ZBTB39: variants seen among roughly 807,000 people sequenced by gnomAD.
The protein encoded by ZBTB39 is zinc finger and BTB domain-containing protein 39.
In ZBTB39, 25 loss-of-function variants were observed where a neutral mutation model predicts 39.4. That is an observed-to-expected ratio of 0.63 (90% CI 0.46 to 0.89). The LOEUF is 0.89. ZBTB39 is among the 40% of genes least tolerant of loss of function. ZBTB39 has a pLI of 0.00. For synonymous variants in ZBTB39, 373 were observed against 359.6 expected, an observed-to-expected ratio of 1.04 and a Z score of -0.42; for missense variants, 891 against 909.7, an observed-to-expected ratio of 0.98 and a Z score of 0.26.
Position 57,003,507 on chromosome 12 carries a change from T to G in ZBTB39, c.1411A>C (p.Ile471Leu). The G allele has an allele frequency of 6.2e-7, 1 of 1,614,026 alleles. No homozygotes were observed. Among genetic ancestry groups the G allele is most frequent in the Non-Finnish European group, 8.5e-7 (1 of 1,179,854 alleles). Residue 471 changes from isoleucine to leucine, a missense_variant, in exon 2 of 2, where the codon ATC becomes CTC. By Grantham distance (5) the Ile-to-Leu change is conservative (BLOSUM62 2). Coordinates refer to ENST00000300101, the MANE Select transcript of ZBTB39 (RefSeq NM_014830.3). This position sits in a 1 kb window ranked among gnomAD's most constrained non-coding sequence, Gnocchi z 4.8. ...CCCTTCAAGTTTAGATGGTCAAGGATGTGGCCCCGGACCACATGGAAATCT... is the reference window on the plus strand; with the variant it reads ...CCCTTCAAGTTTAGATGGTCAAGGAGGTGGCCCCGGACCACATGGAAATCT... ...AKDFHVVRGH[I>L]LDHLNLKGQA...
In ZBTB39 at chr12:57,004,379, C is replaced by T. The variant is rs1465813773; in HGVS notation, c.539G>A (p.Gly180Glu). The change falls in exon 2 of 2, where the codon GGG becomes GAG. Residue 180 changes from glycine (G) to glutamate (E), a missense_variant. Physicochemically the swap from Gly to Glu is moderately conservative, Grantham distance 98. Coordinates refer to ENST00000300101, the MANE Select transcript of ZBTB39 (RefSeq NM_014830.3). ...RNYVLPSDAG[G>E]SYKEEEKNVA... is the part of the protein sequence containing the mutation. ...ATTCTTCTCTTCCTCTTTATAGCTCCCTCCAGCATCACTGGGCAACACATA... is the reference window on the plus strand; with the variant it reads ...ATTCTTCTCTTCCTCTTTATAGCTCTCTCCAGCATCACTGGGCAACACATA... The T allele has an allele frequency of 1.2e-6, 2 of 1,614,162 alleles. No individual in the cohort carries two copies. The highest frequency in any genetic ancestry group is 1.7e-6 in the Non-Finnish European group (2 of 1,180,028).
In ZBTB39 at chr12:57,004,435, A is replaced by T. The variant is rs1282913857; in HGVS notation, c.483T>A (p.Gly161=). 1 of 1,613,968 alleles carries T rather than the reference A, an allele frequency of 6.2e-7. No individual in the cohort carries two copies. Among genetic ancestry groups the T allele is most frequent in the Non-Finnish European group, 8.5e-7 (1 of 1,179,978 alleles). The change falls in exon 2 of 2, where the codon GGT becomes GGA. Residue 161 remains glycine, a synonymous_variant. Coordinates refer to ENST00000300101, the MANE Select transcript of ZBTB39 (RefSeq NM_014830.3). ...EPAHPLGELR[G]GGDYLGADRN... ...TATCAGCACCAAGGTAGTCCCCACC[A>T]CCTCGGAGTTCTCCAAGGGGATGGG... is the stretch of plus-strand genomic sequence containing the variant.
rs947350856 is a variant in ZBTB39 at position 57,001,420 on chromosome 12, G to C, written c.*1359C>G. The C allele has an allele frequency of 1.3e-5, 2 of 152,674 alleles. No individual in the cohort carries two copies. The highest frequency in any genetic ancestry group is 6.5e-5 in the Admixed American group (1 of 15,282). 9.5% of individuals were successfully genotyped at this position (152,674 alleles called of 1,614,324 possible). A position where few individuals can be genotyped will look rare whatever the true frequency, so the allele number is the denominator to read the frequency against. On this transcript the variant is annotated 3_prime_UTR_variant, in exon 2 of 2. Coordinates refer to ENST00000300101, the MANE Select transcript of ZBTB39 (RefSeq NM_014830.3). ...CCCAGAGCTCACCTGAGCAGGGTGA[G>C]GTAGTATGAGCTACTGAGGTGGCAC...
chr12:57,005,673 C>A (rs767889106), intron 1 of ZBTB39, among the ~76,000 whole-genome samples: 2 of 152,182 alleles, frequency 1.3e-5, no homozygotes, highest in Non-Finnish European at 2.9e-5. Context: ...ATGTTGTATT[C>A]TTTTTCGCCA....
chr12:57,004,439 C>A lies in ZBTB39; in HGVS notation c.479G>T (p.Arg160Leu), dbSNP rs145128725. 2.1e-4 allele frequency: 332 copies of A among 1,614,094 alleles called. 1 individual carries two copies. The highest frequency in any genetic ancestry group is 6.5e-4 in the Admixed American group (39 of 60,012). ...AEPAHPLGEL[R>L]GGGDYLGADR... ...AGCACCAAGGTAGTCCCCACCACCT[C>A]GGAGTTCTCCAAGGGGATGGGCAGG... The change falls in exon 2 of 2, where the codon CGA becomes CTA. Residue 160 changes from arginine (R) to leucine (L), a missense_variant. Physicochemically the swap from Arg to Leu is moderately radical, Grantham distance 102. Transcript: ENST00000300101.
Position 57,004,601 on chromosome 12 carries a change from G to C in ZBTB39, c.317C>G (p.Ala106Gly), listed in dbSNP as rs1956234231. The part of the protein sequence containing the change: ...LINVGVIYEV[A>G]ERLGMEDLLQ... ...GAGGTCCTCCATACCCAGACGCTCA[G>C]CTACCTCGTAGATGACCCCAACATT... is the stretch of plus-strand genomic sequence containing the variant. Residue 106 changes from alanine to glycine, a missense_variant, in exon 2 of 2, where the codon GCT (alanine) becomes GGT (glycine). By Grantham distance (60) the Ala-to-Gly change is moderately conservative (BLOSUM62 0). Transcript: ENST00000300101. 3.1e-6 allele frequency: 5 copies of C among 1,614,234 alleles called. No homozygotes were observed. The highest frequency in any genetic ancestry group is 4.2e-6 in the Non-Finnish European group (5 of 1,180,044).
At chr12:57,006,096 G>T (rs2136411545) in intron 1 of ZBTB39, among the ~76,000 whole-genome samples, 1 of 152,276 alleles carries the variant, frequency 6.6e-6, no homozygotes, top group Non-Finnish European at 1.5e-5. Context: ...GGGCGCCGCG[G>T]TCTCCCCTCC....
In ZBTB39 at chr12:57,002,710, C is replaced by CCAA; in HGVS notation, c.*66_*68dup. ...AATTATAACTTCAGCTGGGGAGGGA[C>CCAA]CAACACCTCTTAGATATCAGCATCC... On this transcript the variant is annotated 3_prime_UTR_variant, in exon 2 of 2. Transcript: ENST00000300101. 6.8e-7 allele frequency: 1 copy of CCAA among 1,470,254 alleles called. No individual in the cohort carries two copies. Among genetic ancestry groups the CCAA allele is most frequent in the Non-Finnish European group, 9.4e-7 (1 of 1,068,434 alleles). The allele number at this position is 1,470,254 out of a possible 1,614,324, so 91.1% of individuals were successfully genotyped here.
rs1956208587 is a variant in ZBTB39 at position 57,001,278 on chromosome 12, A to T, written c.*1501T>A. The T allele has an allele frequency of 6.6e-6, 1 of 152,660 alleles. No individual in the cohort carries two copies. The highest frequency in any genetic ancestry group is 6.5e-5 in the Admixed American group (1 of 15,286). The allele number at this position is 152,660 out of a possible 1,614,324, so 9.5% of individuals were successfully genotyped here. A position where few individuals can be genotyped will look rare whatever the true frequency, so the allele number is the denominator to read the frequency against. The stretch of plus-strand genomic sequence containing the variant: ...TAATGTGTATACAAAAACAAAAATA[A>T]ATAAATATTAATGTCCAAAAAGGCT... On this transcript the variant is annotated 3_prime_UTR_variant, in exon 2 of 2. Coordinates refer to ENST00000300101, the MANE Select transcript of ZBTB39 (RefSeq NM_014830.3).
rs1052109714 is a variant in ZBTB39 at position 57,001,857 on chromosome 12, A to C, written c.*922T>G. 2 of 152,708 alleles carry C rather than the reference A, an allele frequency of 1.3e-5. No homozygotes were observed. Among genetic ancestry groups the C allele is most frequent in the African/African-American group, 4.8e-5 (2 of 41,406 alleles). 9.5% of individuals were successfully genotyped at this position (152,708 alleles called of 1,614,324 possible). Reference sequence around the variant, plus strand: ...CGGGCCAAACACTTCTGGACGGGAGACCAGATATAAATTAAGGCAAGGCTG... The same window carrying C: ...CGGGCCAAACACTTCTGGACGGGAGCCCAGATATAAATTAAGGCAAGGCTG... On this transcript the variant is annotated 3_prime_UTR_variant, in exon 2 of 2. Coordinates refer to ENST00000300101, the MANE Select transcript of ZBTB39 (RefSeq NM_014830.3).
chr12:57,004,565 C>A lies in ZBTB39; in HGVS notation c.353G>T (p.Cys118Phe). The change falls in exon 2 of 2, where the codon TGT (cysteine) becomes TTT (phenylalanine). Residue 118 changes from cysteine (C) to phenylalanine (F), a missense_variant. Coordinates refer to ENST00000300101, the MANE Select transcript of ZBTB39 (RefSeq NM_014830.3). ...CTCCAGATCAGGAAAGGTAGAGTGACAGGCCTGGAGGAGGTCCTCCATACC... is the reference window on the plus strand; with the variant it reads ...CTCCAGATCAGGAAAGGTAGAGTGAAAGGCCTGGAGGAGGTCCTCCATACC... ...RLGMEDLLQACHSTFPDLEST... is the reference protein window; with the variant it reads ...RLGMEDLLQAFHSTFPDLEST... 6.2e-7 allele frequency: 1 copy of A among 1,614,208 alleles called. No homozygotes were observed. Among genetic ancestry groups the A allele is most frequent in the South Asian group, 1.1e-5 (1 of 91,080 alleles).
Position 57,002,879 on chromosome 12 carries a change from A to G in ZBTB39, c.2039T>C (p.Val680Ala), listed in dbSNP as rs1565630031. The change falls in exon 2 of 2, where the codon GTT becomes GCT. Residue 680 changes from valine to alanine, a missense_variant. Val to Ala is a moderately conservative substitution (Grantham distance 64). Coordinates refer to ENST00000300101, the MANE Select transcript of ZBTB39 (RefSeq NM_014830.3). Reference protein sequence around the residue: ...SSTLNLMSKHVGVHKGSLPPD... With the variant: ...SSTLNLMSKHAGVHKGSLPPD... ...GGGGAGGCTGCCTTTGTGCACACCA[A>G]CATGTTTGCTCATGAGGTTAAGGGT... 17 of 1,614,134 alleles carry G rather than the reference A, an allele frequency of 1.1e-5. No individual in the cohort carries two copies. Among genetic ancestry groups the G allele is most frequent in the Non-Finnish European group, 1.2e-5 (14 of 1,180,026 alleles).
In ZBTB39 at chr12:57,004,195, C is replaced by T. The variant is rs1215099776; in HGVS notation, c.723G>A (p.Thr241=). Reference sequence around the variant, plus strand: ...GAACTTTGTATGGCTGGCAGGAGCTCGTGCTGGTCTGGATGCCCGTGCTGA... The same window carrying T: ...GAACTTTGTATGGCTGGCAGGAGCTTGTGCTGGTCTGGATGCCCGTGCTGA... ...GTVSTGIQTS[T]SSCQPYKVQS... The change falls in exon 2 of 2, where the codon ACG becomes ACA. Residue 241 remains threonine, a synonymous_variant. Transcript: ENST00000300101. 3.1e-6 allele frequency: 5 copies of T among 1,614,038 alleles called. No homozygotes were observed. Among genetic ancestry groups the T allele is most frequent in the Non-Finnish European group, 3.4e-6 (4 of 1,180,046 alleles).
At position 57,001,683 on chromosome 12, in the gene ZBTB39, G is replaced by A. The variant is rs570445496; in HGVS notation, c.*1096C>T. The stretch of plus-strand genomic sequence containing the variant: ...GGTGAGCTGACAAAGCTCCGGCACT[G>A]TTAGCACAAAGTAAACAGGTTACCC... On this transcript the variant is annotated 3_prime_UTR_variant, in exon 2 of 2. Coordinates refer to ENST00000300101, the MANE Select transcript of ZBTB39 (RefSeq NM_014830.3). 1 of 152,960 alleles carries A rather than the reference G, an allele frequency of 6.5e-6. No homozygotes were observed. Among genetic ancestry groups the A allele is most frequent in the South Asian group, 2.1e-4 (1 of 4,828 alleles). The allele number at this position is 152,960 out of a possible 1,614,324, so 9.5% of individuals were successfully genotyped here.
At position 57,003,635 on chromosome 12, in the gene ZBTB39, A is replaced by T; in HGVS notation, c.1283T>A (p.Ile428Asn). 2 of 1,614,174 alleles carry T rather than the reference A, an allele frequency of 1.2e-6. No individual in the cohort carries two copies. The highest frequency in any genetic ancestry group is 2.2e-5 in the South Asian group (2 of 91,080). Residue 428 changes from isoleucine to asparagine, a missense_variant, in exon 2 of 2, where the codon ATC becomes AAC. Coordinates refer to ENST00000300101, the MANE Select transcript of ZBTB39 (RefSeq NM_014830.3). This position sits in a 1 kb window ranked among gnomAD's most constrained non-coding sequence, Gnocchi z 4.8. ...HRRDGIFENNIIVHPNDPLPG... is the reference protein window; with the variant it reads ...HRRDGIFENNNIVHPNDPLPG... ...CAGGGGATCGTTGGGGTGGACAATG[A>T]TGTTGTTCTCAAATATTCCATCCCG...
At position 57,004,975 on chromosome 12, in the gene ZBTB39, G is replaced by C. The variant is rs1956236703; in HGVS notation, c.-44-14C>G. On this transcript the variant is annotated splice_polypyrimidine_tract_variant and intron_variant, in intron 1 of 1. Coordinates refer to ENST00000300101, the MANE Select transcript of ZBTB39 (RefSeq NM_014830.3). Reference sequence around the variant, plus strand: ...AGCACAGTTAATCTGTGGATAGCAAGAGAAAAAGATGGATGGCCAAACACA... The same window carrying C: ...AGCACAGTTAATCTGTGGATAGCAACAGAAAAAGATGGATGGCCAAACACA... 1 of 1,507,648 alleles carries C rather than the reference G, an allele frequency of 6.6e-7. No individual in the cohort carries two copies. The highest frequency in any genetic ancestry group is 1.4e-5 in the African/African-American group (1 of 71,694). The allele number at this position is 1,507,648 out of a possible 1,614,324, so 93.4% of individuals were successfully genotyped here. A position where few individuals can be genotyped will look rare whatever the true frequency, so the allele number is the denominator to read the frequency against.
Position 57,002,649 on chromosome 12 carries a change from T to A in ZBTB39, c.*130A>T. On this transcript the variant is annotated 3_prime_UTR_variant, in exon 2 of 2. Transcript: ENST00000300101. The stretch of plus-strand genomic sequence containing the variant: ...TGCTATTTCTTCTTCTTTTCTTCTT[T>A]AAACACAACACAGAACAGAATTCCT... 1 of 869,616 alleles carries A rather than the reference T, an allele frequency of 1.1e-6. No homozygotes were observed. Among genetic ancestry groups the A allele is most frequent in the Non-Finnish European group, 1.8e-6 (1 of 567,248 alleles). The allele number at this position is 869,616 out of a possible 1,614,324, so 53.9% of individuals were successfully genotyped here.
At position 57,000,362 on chromosome 12, in the gene ZBTB39, G is replaced by A. The variant is rs1373044682; in HGVS notation, c.*2417C>T. 1.3e-5 allele frequency: 2 copies of A among 152,508 alleles called. No individual in the cohort carries two copies. The highest frequency in any genetic ancestry group is 2.9e-5 in the Non-Finnish European group (2 of 68,000). The allele number at this position is 152,508 out of a possible 1,614,324, so 9.4% of individuals were successfully genotyped here. ...GCCAAGTTTCAAGGATCTGCTTTTT[G>A]GTTTACTGGCAAAAAGGGAAAACTT... On this transcript the variant is annotated 3_prime_UTR_variant, in exon 2 of 2. Transcript: ENST00000300101.
In ZBTB39 at chr12:57,002,800, C is replaced by T. The variant is rs369298043; in HGVS notation, c.2118G>A (p.Ala706=). The change falls in exon 2 of 2, where the codon GCG becomes GCA. Residue 706 remains alanine (A), a synonymous_variant. Coordinates refer to ENST00000300101, the MANE Select transcript of ZBTB39 (RefSeq NM_014830.3). ...TFMYIIHSKE[A]DKNPDS is the part of the protein sequence containing the mutation. ...CCAGTCAACTGTCCGGGTTCTTATC[C>T]GCCTCTTTGGAATGGATGATGTACA... 1.2e-5 allele frequency: 20 copies of T among 1,613,912 alleles called. No homozygotes were observed. Among genetic ancestry groups the T allele is most frequent in the East Asian group, 8.9e-5 (4 of 44,888 alleles).
Sources: allele counts gnomAD v4.1 joint callset (sites outside exome capture counted in the v4.1 genomes callset), GRCh38; gene constraint gnomAD v4.1.1; non-coding constraint Gnocchi (gnomAD v3.1); transcripts MANE v1.5; gene names NCBI Gene and HGNC (gene_info 2026-07-23, HGNC 2026-07-21).